GRIK2: variants seen among roughly 807,000 people sequenced by gnomAD.
GRIK2 encodes glutamate ionotropic receptor kainate type subunit 2.
Under a neutral mutation model 100.3 loss-of-function variants are expected in GRIK2, and 32 were observed. The ratio of observed to expected loss-of-function variants is 0.32; its 90% CI spans 0.24 to 0.43. The LOEUF is 0.43. Among genes scored for constraint, GRIK2 ranks in the 20% least tolerant of loss-of-function variants. The pLI, the probability that GRIK2 is intolerant of heterozygous loss-of-function variation, is 1.00. For synonymous variants in GRIK2, 417 were observed against 389.4 expected, an observed-to-expected ratio of 1.07 and a Z score of -0.83; for missense variants, 843 against 1,114.9, an observed-to-expected ratio of 0.76 and a Z score of 3.47.
intron 7 of GRIK2, among the ~76,000 whole-genome samples, chr6:101,770,980 A>T (rs1338032623): frequency 5.3e-5 from 8 of 152,116 alleles, no homozygotes; most frequent in African/African-American, 1.9e-4. Context: ...TATTCAGTAA[A>T]TTTATTTTAT....
At position 101,486,075 on chromosome 6, in the gene GRIK2, G is replaced by T. The variant is rs1453783951; in HGVS notation, c.115+86683G>T. Among the ~76,000 whole-genome samples, 4 of 152,026 alleles carry T rather than the reference G, an allele frequency of 2.6e-5. 1 individual carries two copies. In the South Asian group the frequency reaches 8.3e-4, roughly 32 times the overall value. On this transcript the variant is annotated intron_variant, in intron 2 of 16. Coordinates refer to ENST00000369134, the MANE Select transcript of GRIK2 (RefSeq NM_021956.5). ...TTTAGTGATGGAATTGGTGAGTATT[G>T]GTGAGCCTTAGTCTCATGTCAAGAT...
intron 2 of GRIK2, among the ~76,000 whole-genome samples, chr6:101,469,308 G>A (rs921681906): frequency 6.6e-6 from 1 of 152,102 alleles, no homozygotes; most frequent in Non-Finnish European, 1.5e-5. Flanking sequence ...TTACTGGCAT[G>A]CAAGAGAAGA....
At chr6:102,023,103 A>G (rs906868827) in intron 14 of GRIK2, among the ~76,000 whole-genome samples, 3 of 151,536 alleles carry the variant, frequency 2.0e-5, no homozygotes, top group Non-Finnish European at 4.4e-5. Context: ...AAATTAATTT[A>G]AATTTAAAAT....
At chr6:101,860,261 G>A (rs537285702) in intron 11 of GRIK2, among the ~76,000 whole-genome samples, 3 of 149,014 alleles carry the variant, frequency 2.0e-5, no homozygotes, top group South Asian at 2.1e-4. Flanking sequence ...CAGCATGCAC[G>A]GTGGCCATTC....
chr6:101,542,059 C>T (rs1776023398), intron 2 of GRIK2, among the ~76,000 whole-genome samples: 1 of 152,020 alleles, frequency 6.6e-6, no homozygotes, highest in Non-Finnish European at 1.5e-5. Flanking sequence ...AGCAGATGGA[C>T]TGTAAAATAC....
chr6:101,702,381 T>C (rs1368498260), intron 7 of GRIK2, among the ~76,000 whole-genome samples: 4 of 151,996 alleles, frequency 2.6e-5, no homozygotes, highest in Non-Finnish European at 5.9e-5. Flanking sequence ...CAGTTAGATG[T>C]TGTACATTAA....
intron 14 of GRIK2, among the ~76,000 whole-genome samples, chr6:102,002,364 A>G (rs1208346404): frequency 1.4e-5 from 2 of 145,574 alleles, no homozygotes; most frequent in African/African-American, 4.9e-5. Flanking sequence ...TGTATATATT[A>G]TGTATATATT....
intron 14 of GRIK2, among the ~76,000 whole-genome samples, chr6:101,936,332 C>T (rs907818636): frequency 6.6e-6 from 1 of 151,756 alleles, no homozygotes; most frequent in Non-Finnish European, 1.5e-5. Flanking sequence ...GTTGAAATAT[C>T]GAATGTGGGA....
chr6:101,864,304 T>C (rs368909399), intron 11 of GRIK2, among the ~76,000 whole-genome samples: 1 of 152,082 alleles, frequency 6.6e-6, no homozygotes, highest in Non-Finnish European at 1.5e-5. Flanking sequence ...TGACAGGAAG[T>C]AGGAAAAATT....
intron 2 of GRIK2, among the ~76,000 whole-genome samples, chr6:101,590,250 G>T (rs553205055): frequency 6.6e-6 from 1 of 152,146 alleles, no homozygotes; most frequent in East Asian, 1.9e-4. Flanking sequence ...CCTGCTTTGT[G>T]ATACTGAAGC....
chr6:101,783,950 G>A (rs901217490), intron 7 of GRIK2, among the ~76,000 whole-genome samples: 2 of 152,202 alleles, frequency 1.3e-5, no homozygotes, highest in African/African-American at 4.8e-5. Context: ...TAGATGGTTT[G>A]AAATTGGATC....
chr6:102,057,018 T>C (rs2114509535), intron 16 of GRIK2, among the ~76,000 whole-genome samples: 2 of 152,132 alleles, frequency 1.3e-5, no homozygotes, highest in Middle Eastern at 6.8e-3. Context: ...ACTTTTTATG[T>C]TATAATCATT....
intron 2 of GRIK2, among the ~76,000 whole-genome samples, chr6:101,583,166 T>A (rs929831246): frequency 1.3e-5 from 2 of 152,088 alleles, no homozygotes; most frequent in Non-Finnish European, 2.9e-5. Flanking sequence ...GTTTAGTGGA[T>A]GTTTGAGAAA....
intron 2 of GRIK2, among the ~76,000 whole-genome samples, chr6:101,610,807 G>A (rs1289969315): frequency 6.6e-6 from 1 of 151,622 alleles, no homozygotes; most frequent in Non-Finnish European, 1.5e-5. Context: ...GTACGATTAA[G>A]CACATGCTTT....
chr6:101,448,090 T>A (rs1443504097), intron 2 of GRIK2, among the ~76,000 whole-genome samples: 1 of 151,700 alleles, frequency 6.6e-6, no homozygotes, highest in Non-Finnish European at 1.5e-5. Context: ...ATTAGAGGCA[T>A]CAATCTTTCA....
chr6:101,795,495 G>A (rs1780235605), intron 7 of GRIK2, among the ~76,000 whole-genome samples: 1 of 152,206 alleles, frequency 6.6e-6, no homozygotes, highest in African/African-American at 2.4e-5. Context: ...GGGCTCAGGT[G>A]GGCCAATTGT....
intron 10 of GRIK2, among the ~76,000 whole-genome samples, chr6:101,851,186 T>A (rs9322613): frequency 0.11 from 16,561 of 152,116 alleles, 1,946 homozygotes; most frequent in East Asian, 0.66. Context: ...GTAGGTTTTT[T>A]AATCTCAGAG....
chr6:101,817,887 A>G (rs1781730396), intron 9 of GRIK2, among the ~76,000 whole-genome samples: 1 of 152,186 alleles, frequency 6.6e-6, no homozygotes, highest in Non-Finnish European at 1.5e-5. Flanking sequence ...TTATCCCACC[A>G]GGGGTAGTGC....
intron 7 of GRIK2, among the ~76,000 whole-genome samples, chr6:101,775,407 G>A (rs1189322836): frequency 6.6e-6 from 1 of 151,936 alleles, no homozygotes; most frequent in Non-Finnish European, 1.5e-5. Flanking sequence ...TTGATCTTCA[G>A]AACATTGCTG....
Sources: allele counts gnomAD v4.1 joint callset (sites outside exome capture counted in the v4.1 genomes callset), GRCh38; gene constraint gnomAD v4.1.1; transcripts MANE v1.5; gene names NCBI Gene and HGNC (gene_info 2026-07-23, HGNC 2026-07-21).